Variants in LEPR observed in about 807,000 individuals in gnomAD.
The protein encoded by LEPR is OB receptor.
LEPR carries 56 observed loss-of-function variants against 114.7 expected under a neutral mutation model. The observed-to-expected ratio is 0.49, with a 90% CI of 0.39 to 0.61. The LOEUF (loss-of-function observed/expected upper bound fraction) is 0.61. Ranked by LOEUF, LEPR falls within the 20% of genes least tolerant of loss-of-function variation. The pLI is 0.00. For synonymous variants in LEPR, 443 were observed against 461.4 expected (o/e 0.96, Z 0.51); for missense variants, 1,202 against 1,352.9 (o/e 0.89, Z 1.75).
At chr1:65,610,584 T>G (rs1657102857) in intron 14 of LEPR, among the ~76,000 whole-genome samples, 1 of 152,208 alleles carries the variant, frequency 6.6e-6, no homozygotes, top group Non-Finnish European at 1.5e-5. Flanking sequence ...TCTGTGTAAA[T>G]GTAATATTGA....
intron 2 of LEPR, among the ~76,000 whole-genome samples, chr1:65,553,125 C>T (rs1241666598): frequency 6.6e-6 from 1 of 152,212 alleles, no homozygotes; most frequent in South Asian, 2.1e-4. Flanking sequence ...GTAACTTGAC[C>T]TTTCTCTCTG....
intron 2 of LEPR, among the ~76,000 whole-genome samples, chr1:65,538,518 T>C (rs1004064090): frequency 1.2e-4 from 18 of 152,314 alleles, no homozygotes; most frequent in African/African-American, 4.1e-4. Flanking sequence ...AATAAATTTA[T>C]ACTATATAAA....
intron 2 of LEPR, among the ~76,000 whole-genome samples, chr1:65,463,262 C>T (rs888849589): frequency 6.6e-5 from 10 of 152,028 alleles, no homozygotes; most frequent in Non-Finnish European, 1.3e-4. Context: ...AATCCTTTCC[C>T]TATTTGGTTG....
At chr1:65,598,579 G>T in intron 7 of LEPR, 81 bp from the exon 8 acceptor site, 1 of 1,573,930 alleles carries the variant, frequency 6.4e-7, no homozygotes, top group East Asian at 2.3e-5. Flanking sequence ...TTTGAAATTT[G>T]ATGAGATTAG....
chr1:65,456,904 T>C (rs1479023036), intron 2 of LEPR, among the ~76,000 whole-genome samples: 1 of 152,216 alleles, frequency 6.6e-6, no homozygotes, highest in Non-Finnish European at 1.5e-5. Flanking sequence ...ACTCTTTTTC[T>C]GTCTTTTGTA....
intron 2 of LEPR, chr1:65,525,736 A>C: frequency 1.0e-6 from 1 of 986,006 alleles, no homozygotes; most frequent in Non-Finnish European, 1.2e-6. Flanking sequence ...GCCCACGGCC[A>C]GCCGAGCGCG....
At chr1:65,425,506 A>G (rs555694752) in intron 2 of LEPR, 128 bp downstream of exon 2, 1 of 677,700 alleles carries the variant, frequency 1.5e-6, no homozygotes, top group East Asian at 3.1e-5. Flanking sequence ...CCAGTTTATG[A>G]ACACAGTCCC....
rs371393181 is a variant in LEPR at position 65,575,642 on chromosome 1, T to TA, written c.494+3202dup. The stretch of plus-strand genomic sequence containing the variant: ...AGAACATACTAAACAAATGATAAGT[T>TA]AAAAAAAAATATAATTCTCTCCTGT... On this transcript the variant is annotated intron_variant, in intron 5 of 19. Coordinates refer to ENST00000349533, the MANE Select transcript of LEPR (RefSeq NM_002303.6). Among the ~76,000 whole-genome samples, 888 of 150,492 alleles carry TA rather than the reference T, an allele frequency of 5.9e-3. 36 individuals are homozygous for TA. Among genetic ancestry groups the TA allele is most frequent in the African/African-American group, 0.021 (841 of 40,478 alleles).
intron 2 of LEPR, among the ~76,000 whole-genome samples, chr1:65,506,074 G>C (rs921183577): frequency 6.6e-6 from 1 of 152,058 alleles, no homozygotes; most frequent in Non-Finnish European, 1.5e-5. Context: ...ACATATTTTT[G>C]AAATTTCATT....
At chr1:65,598,272 A>G (rs1189995161) in intron 7 of LEPR, among the ~76,000 whole-genome samples, 4 of 151,786 alleles carry the variant, frequency 2.6e-5, no homozygotes, top group Non-Finnish European at 5.9e-5. Flanking sequence ...TCTTCTGTAC[A>G]GGGACACTTG....
intron 2 of LEPR, among the ~76,000 whole-genome samples, chr1:65,478,267 G>C (rs557754884): frequency 1.3e-5 from 2 of 152,124 alleles, no homozygotes; most frequent in Admixed American, 6.6e-5. Flanking sequence ...GTCCCCCTTT[G>C]GTTGGGTAAT....
intron 3 of LEPR, among the ~76,000 whole-genome samples, 192 bp from the exon 4 acceptor site, chr1:65,570,281 A>G (rs1200667526): frequency 6.6e-6 from 1 of 152,262 alleles, no homozygotes; most frequent in East Asian, 1.9e-4. Context: ...AGTAATTTCT[A>G]CAAATGAATG....
rs78237116 is a variant in LEPR at position 65,432,029 on chromosome 1, C to T, written c.-21+6651C>T. ...ATTTAATATGCTGGGTTTTTTAATA[C>T]CTTTATATATCATGTTCACTTTAAG... On this transcript the variant is annotated intron_variant, in intron 2 of 19. Coordinates refer to ENST00000349533, the MANE Select transcript of LEPR (RefSeq NM_002303.6). 311 of 1,441,892 alleles carry T rather than the reference C, an allele frequency of 2.2e-4. 3 individuals carry two copies. The East Asian group carries it at 6.6e-3, about 31-fold the overall frequency. 89.3% of individuals were successfully genotyped at this position (1,441,892 alleles called of 1,614,324 possible).
chr1:65,637,131 C>A lies in LEPR; in HGVS notation c.*116C>A. On this transcript the variant is annotated 3_prime_UTR_variant, in exon 20 of 20. Coordinates refer to ENST00000349533, the MANE Select transcript of LEPR (RefSeq NM_002303.6). ...AGAGTCAAATTTGAAAATAATTGTT[C>A]CAAATGAATGTTGTCTGTTTGTTCT... 1 of 1,191,754 alleles carries A rather than the reference C, an allele frequency of 8.4e-7. No homozygotes were observed. The highest frequency in any genetic ancestry group is 1.4e-5 in the South Asian group (1 of 69,430). The allele number at this position is 1,191,754 out of a possible 1,614,324, so 73.8% of individuals were successfully genotyped here.
chr1:65,479,433 A>G (rs1647193568), intron 2 of LEPR, among the ~76,000 whole-genome samples: 1 of 152,156 alleles, frequency 6.6e-6, no homozygotes, highest in Non-Finnish European at 1.5e-5. Context: ...AAACCGAGAG[A>G]GGCAGAGAGG....
At chr1:65,520,725 A>G (rs773339542) in intron 2 of LEPR, among the ~76,000 whole-genome samples, 1 of 152,192 alleles carries the variant, frequency 6.6e-6, no homozygotes, top group South Asian at 2.1e-4. Context: ...CCACATACTT[A>G]TTGACAGCAA....
At chr1:65,587,720 A>G (rs1301578071) in intron 5 of LEPR, among the ~76,000 whole-genome samples, 2 of 152,070 alleles carry the variant, frequency 1.3e-5, no homozygotes, top group Admixed American at 1.3e-4. Flanking sequence ...AAGCCATGCA[A>G]ATGTTGTTTC....
chr1:65,497,589 G>A (rs1029159143), intron 2 of LEPR, among the ~76,000 whole-genome samples: 16 of 152,218 alleles, frequency 1.1e-4, no homozygotes, highest in African/African-American at 1.7e-4. Context: ...TGCCCTAATC[G>A]TAGGTGGAAT....
chr1:65,549,207 G>A (rs920456168), intron 2 of LEPR, among the ~76,000 whole-genome samples: 10 of 150,770 alleles, frequency 6.6e-5, no homozygotes, highest in Non-Finnish European at 1.2e-4. Flanking sequence ...TCCCTTTGTG[G>A]GTAACCCGAC....
Sources: allele counts gnomAD v4.1 joint callset (sites outside exome capture counted in the v4.1 genomes callset), GRCh38; gene constraint gnomAD v4.1.1; transcripts MANE v1.5; gene names NCBI Gene and HGNC (gene_info 2026-07-23, HGNC 2026-07-21).